Variants in NEDD4 observed in about 807,000 individuals in gnomAD.
NEDD4 encodes the protein E3 ubiquitin-protein ligase NEDD4.
A neutral mutation model predicts 144.9 loss-of-function variants in NEDD4; 99 were observed. That is an observed-to-expected ratio of 0.68 (90% confidence interval 0.58 to 0.81). The LOEUF (loss-of-function observed/expected upper bound fraction) is 0.81. Among genes scored for constraint, NEDD4 ranks in the 30% least tolerant of loss-of-function variants. The probability of loss-of-function intolerance (pLI) is 0.00; values close to 1 mark genes in which losing one functional copy is unlikely to be tolerated. For missense variants in NEDD4, 985 were observed against 1,065.9 expected, an observed-to-expected ratio of 0.92 and a Z score of 1.06; for synonymous variants, 318 against 350.6, an observed-to-expected ratio of 0.91 and a Z score of 1.04.
intron 2 of NEDD4, among the ~76,000 whole-genome samples, chr15:55,958,075 A>G (rs11637576): frequency 0.3 from 45,836 of 152,064 alleles, 7,053 homozygotes; most frequent in South Asian, 0.38. Context: ...ATGTGTAACA[A>G]ACCTGCACAT....
chr15:55,921,368 A>G (rs2036566163), intron 5 of NEDD4, among the ~76,000 whole-genome samples: 1 of 151,330 alleles, frequency 6.6e-6, no homozygotes, highest in African/African-American at 2.4e-5. Context: ...TCTGTTGCCT[A>G]GGCTGGAATG....
chr15:55,967,832 G>C (rs1478299493), intron 1 of NEDD4, among the ~76,000 whole-genome samples: 1 of 151,942 alleles, frequency 6.6e-6, no homozygotes, highest in African/African-American at 2.4e-5. Context: ...ACCAGCATAG[G>C]CAATATAACA....
intron 8 of NEDD4, among the ~76,000 whole-genome samples, chr15:55,866,220 CTT>C (rs199861047): frequency 6.8e-6 from 1 of 147,336 alleles, no homozygotes; most frequent in Non-Finnish European, 1.5e-5. Context: ...AACCTTTCTT[CTT>C]TTTTTTTTTA....
rs1191216404 is a variant in NEDD4, at chr15:55,828,833, T to A, written c.*1064A>T. 1 of 152,652 alleles carries A rather than the reference T, an allele frequency of 6.6e-6. No individual in the cohort carries two copies. The highest frequency in any genetic ancestry group is 1.5e-5 in the Non-Finnish European group (1 of 68,044). 9.5% of individuals were successfully genotyped at this position (152,652 alleles called of 1,614,324 possible). Reference sequence around the variant, plus strand: ...AATAAATTTAATACAAATTATGCATTATAACAACTCTTTGGTTATTTTAAA... The same window carrying A: ...AATAAATTTAATACAAATTATGCATAATAACAACTCTTTGGTTATTTTAAA... On this transcript the variant is annotated 3_prime_UTR_variant, in exon 29 of 29. Transcript: ENST00000435532.
At chr15:55,925,996 T>C (rs1432930589) in intron 4 of NEDD4, among the ~76,000 whole-genome samples, 2 of 151,958 alleles carry the variant, frequency 1.3e-5, no homozygotes, top group Non-Finnish European at 2.9e-5. Context: ...ATATGTATCA[T>C]ATACATATAC....
chr15:55,911,722 G>T (rs1479561601), intron 5 of NEDD4, among the ~76,000 whole-genome samples: 2 of 151,918 alleles, frequency 1.3e-5, no homozygotes, highest in South Asian at 2.1e-4. Context: ...TAGAGACGGG[G>T]TTTCACCGTG....
chr15:55,964,857 T>C (rs894114044), intron 2 of NEDD4, among the ~76,000 whole-genome samples: 2 of 152,246 alleles, frequency 1.3e-5, no homozygotes, highest in Admixed American at 1.3e-4. Flanking sequence ...AGCAAATCCC[T>C]CCTGAATAGA....
chr15:55,988,147 A>C (rs1348593467), intron 1 of NEDD4: 59 of 139,128 alleles, frequency 4.2e-4, no homozygotes, highest in African/African-American at 1.6e-3. Flanking sequence ...TGCAGCCATA[A>C]AAAATGATGA....
In NEDD4 at chr15:55,829,869, A is replaced by T. The variant is rs2032860695; in HGVS notation, c.*28T>A. The T allele has an allele frequency of 6.4e-7, 1 of 1,564,812 alleles. No individual in the cohort carries two copies. The highest frequency in any genetic ancestry group is 1.8e-5 in the Admixed American group (1 of 54,594). ...ATTTTGGTTATAAAACTATGGCAGT[A>T]AAAACACTACAGATTGTTATTTGTA... On this transcript the variant is annotated 3_prime_UTR_variant, in exon 29 of 29. Transcript: ENST00000435532.
chr15:55,829,856 A>C lies in NEDD4; in HGVS notation c.*41T>G, dbSNP rs1419175420. ...ATTTTAAGTCAAGATTTTGGTTATA[A>C]AACTATGGCAGTAAAAACACTACAG... On this transcript the variant is annotated 3_prime_UTR_variant, in exon 29 of 29. Coordinates refer to ENST00000435532, the MANE Select transcript of NEDD4 (RefSeq NM_006154.4). 6.7e-7 allele frequency: 1 copy of C among 1,496,372 alleles called. No individual in the cohort carries two copies. Among genetic ancestry groups the C allele is most frequent in the Non-Finnish European group, 9.2e-7 (1 of 1,092,536 alleles). The allele number at this position is 1,496,372 out of a possible 1,614,324, so 92.7% of individuals were successfully genotyped here.
At chr15:55,961,029 C>A (rs2037416324) in intron 2 of NEDD4, among the ~76,000 whole-genome samples, 1 of 152,192 alleles carries the variant, frequency 6.6e-6, no homozygotes, top group Non-Finnish European at 1.5e-5. Flanking sequence ...ATACACTCGA[C>A]CCTAACTTGT....
At position 55,990,126 on chromosome 15, in the gene NEDD4, G is replaced by A. The variant is rs192904661; in HGVS notation, c.45+3385C>T. The stretch of plus-strand genomic sequence containing the variant: ...CTAGTTGCAGGAAAACAAGCTCAGG[G>A]CTCCCACTAATTCTACATTACGGTG... On this transcript the variant is annotated intron_variant, in intron 1 of 28. Transcript: ENST00000435532. Among the ~76,000 whole-genome samples the A allele has an allele frequency of 1.7e-3, 251 of 151,616 alleles. 1 individual carries two copies. The highest frequency in any genetic ancestry group is 1.5e-3 in the Non-Finnish European group (104 of 67,922).
intron 2 of NEDD4, among the ~76,000 whole-genome samples, chr15:55,953,883 G>A (rs2037290412): frequency 6.6e-6 from 1 of 152,158 alleles, no homozygotes. Context: ...ACCACGCTTG[G>A]CTAATGTTTT....
At chr15:55,983,306 G>GCGCA (rs200475260) in intron 1 of NEDD4, among the ~76,000 whole-genome samples, 3,528 of 152,190 alleles carry the variant, frequency 0.023, 56 homozygotes, top group Non-Finnish European at 0.035. Flanking sequence ...GTGTGCGTGC[G>GCGCA]CGCGCGTGCG....
At chr15:55,901,907 C>T (rs2035925434) in intron 5 of NEDD4, among the ~76,000 whole-genome samples, 1 of 151,872 alleles carries the variant, frequency 6.6e-6, no homozygotes, top group Non-Finnish European at 1.5e-5. Flanking sequence ...TGCAATGTTT[C>T]ATAAATTTTA....
At chr15:55,864,524 A>G (rs1430121318) in intron 8 of NEDD4, among the ~76,000 whole-genome samples, 1 of 151,978 alleles carries the variant, frequency 6.6e-6, no homozygotes, top group African/African-American at 2.4e-5. Context: ...TCTACTAAAA[A>G]TACAAAATTA....
chr15:55,940,518 T>TCTCTCTCTCTCTCTCTCTCTCTCTC (rs2036978544), intron 4 of NEDD4, among the ~76,000 whole-genome samples: 1 of 106,182 alleles, frequency 9.4e-6, no homozygotes, highest in Non-Finnish European at 2.2e-5. Context: ...CTCCTCCCCC[T>TCTCTCTCTCTCTCTCTCTCTCTCTC]TCTCTCTCTC....
intron 12 of NEDD4, among the ~76,000 whole-genome samples, chr15:55,853,272 A>G (rs1195261243): frequency 6.6e-6 from 1 of 152,218 alleles, no homozygotes. Context: ...AAAAAACACT[A>G]GAACAATAAT....
At chr15:55,889,719 G>C (rs1251729906) in intron 5 of NEDD4, among the ~76,000 whole-genome samples, 1 of 151,298 alleles carries the variant, frequency 6.6e-6, no homozygotes, top group African/African-American at 2.4e-5. Context: ...GTTTTTTTTG[G>C]AGACAGAGTC....
Sources: allele counts gnomAD v4.1 joint callset (sites outside exome capture counted in the v4.1 genomes callset), GRCh38; gene constraint gnomAD v4.1.1; transcripts MANE v1.5; gene names NCBI Gene and HGNC (gene_info 2026-07-23, HGNC 2026-07-21).